The following CAST variants were observed in gnomAD, a reference collection of about 807,000 sequenced individuals.
The protein encoded by CAST is MIR583 host.
A neutral mutation model predicts 119.6 loss-of-function variants in CAST; 76 were observed. The ratio of observed to expected loss-of-function variants is 0.64; its 90% CI spans 0.53 to 0.77. The LOEUF (loss-of-function observed/expected upper bound fraction) is 0.77. Among genes scored for constraint, CAST ranks in the 30% least tolerant of loss-of-function variants. The pLI is 0.00. For missense variants in CAST, 953 were observed against 946.5 expected (o/e 1.01, Z -0.09); for synonymous variants, 319 against 331.6 (o/e 0.96, Z 0.41).
At chr5:96,413,309 G>A in the CAST span, among the ~76,000 whole-genome samples, 97 of 152,302 alleles carry the variant, frequency 6.4e-4, no homozygotes, top group African/African-American at 2.2e-3. Context: ...TCAGACTTAT[G>A]AATTCAAGAG....
the CAST span, among the ~76,000 whole-genome samples, chr5:96,168,770 T>C: frequency 6.6e-6 from 1 of 152,044 alleles, no homozygotes; most frequent in Non-Finnish European, 1.5e-5. Context: ...GAGGCTCGAT[T>C]AAAGTCCGGG....
the CAST span, among the ~76,000 whole-genome samples, chr5:96,383,993 A>G: frequency 2.6e-5 from 4 of 152,012 alleles, no homozygotes; most frequent in African/African-American, 9.7e-5. Flanking sequence ...CCTGAGTTTT[A>G]TGGGGTCTGA....
the CAST span, chr5:96,432,790 C>G: frequency 1.1e-5 from 14 of 1,318,882 alleles, no homozygotes; most frequent in East Asian, 2.6e-4. Flanking sequence ...GGGGCTCCCA[C>G]TTGGAAGACC....
chr5:96,547,435 C>T (rs1167484842), intron 1 of CAST, among the ~76,000 whole-genome samples: 3 of 152,142 alleles, frequency 2.0e-5, no homozygotes, highest in Admixed American at 2.0e-4. Flanking sequence ...AGACAGATGT[C>T]CCAGCTCAAG....
rs182585419 is a variant in CAST, at chr5:96,730,140, G to A, written c.549+415G>A. Among the ~76,000 whole-genome samples, 191 of 152,350 alleles carry A rather than the reference G, an allele frequency of 1.3e-3. 1 individual carries two copies. The highest frequency in any genetic ancestry group is 4.5e-3 in the African/African-American group (187 of 41,578). On this transcript the variant is annotated intron_variant, in intron 8 of 31. Coordinates refer to ENST00000675179, the MANE Select transcript of CAST (RefSeq NM_001750.7). ...AATCCTAAAGCATTTTTAGGGTCGT[G>A]TTGTAGAAGAGCTGAACTTACAGAG... is the stretch of plus-strand genomic sequence containing the variant.
At chr5:96,182,784 A>AT in the CAST span, among the ~76,000 whole-genome samples, 47 of 152,146 alleles carry the variant, frequency 3.1e-4, 1 homozygote, top group East Asian at 8.9e-3. Context: ...TAATTTTTTT[A>AT]TTTTTTACTT....
chr5:96,590,541 A>ATGTGTG (rs1746944856), intron 1 of CAST, among the ~76,000 whole-genome samples: 1 of 152,218 alleles, frequency 6.6e-6, no homozygotes, highest in African/African-American at 2.4e-5. Flanking sequence ...CCATACAGAC[A>ATGTGTG]CCATGTCCTA....
chr5:96,635,783 T>C (rs1225858492), intron 1 of CAST, among the ~76,000 whole-genome samples: 1 of 152,244 alleles, frequency 6.6e-6, no homozygotes, highest in Non-Finnish European at 1.5e-5. Context: ...CTCTCATCTG[T>C]GCTTAGTTAG....
chr5:96,265,519 A>C, the CAST span, among the ~76,000 whole-genome samples: 1 of 152,114 alleles, frequency 6.6e-6, no homozygotes, highest in African/African-American at 2.4e-5. Flanking sequence ...AGGAGATGAC[A>C]GACATCCCAA....
chr5:96,078,374 A>C, the CAST span, among the ~76,000 whole-genome samples: 2 of 151,666 alleles, frequency 1.3e-5, no homozygotes, highest in Non-Finnish European at 2.9e-5. Context: ...GACAGGGGTA[A>C]ATTTTCATGA....
chr5:96,344,317 G>A, the CAST span, among the ~76,000 whole-genome samples: 1 of 152,166 alleles, frequency 6.6e-6, no homozygotes, highest in Non-Finnish European at 1.5e-5. Context: ...TGTGTGGAAT[G>A]AATGGATGAG....
In CAST at chr5:96,631,464, C is replaced by A. The variant is rs758298062; in HGVS notation, c.61-44075C>A. Among the ~76,000 whole-genome samples the A allele has an allele frequency of 8.5e-5, 12 of 140,796 alleles. 2 individuals are homozygous for A. The highest frequency in any genetic ancestry group is 1.4e-4 in the Non-Finnish European group (9 of 62,624). The allele number at this position is 140,796 out of a possible 152,430, so 92.4% of individuals were successfully genotyped here. A position where few individuals can be genotyped will look rare whatever the true frequency, so the allele number is the denominator to read the frequency against. On this transcript the variant is annotated intron_variant, in intron 1 of 11. Coordinates refer to the CAST transcript ENST00000505143. ...ACTCCTTTTTATGATTAAATAACAT[C>A]CCATTGTATGGATTTCATTTTATTT...
At chr5:96,047,233 C>T in the CAST span, among the ~76,000 whole-genome samples, 9 of 152,282 alleles carry the variant, frequency 5.9e-5, no homozygotes, top group African/African-American at 2.2e-4. Flanking sequence ...ATTTCTTATT[C>T]ATATTTAAAA....
the CAST span, among the ~76,000 whole-genome samples, chr5:96,266,128 A>G: frequency 6.6e-6 from 1 of 152,232 alleles, no homozygotes; most frequent in African/African-American, 2.4e-5. Context: ...GCAATATCCC[A>G]GAACTAAAAT....
chr5:96,023,008 A>G, the CAST span, among the ~76,000 whole-genome samples: 1 of 152,198 alleles, frequency 6.6e-6, no homozygotes, highest in Non-Finnish European at 1.5e-5. Context: ...AACCGGGATT[A>G]ACTAACAATC....
chr5:96,569,909 A>C (rs1474316531), intron 1 of CAST, among the ~76,000 whole-genome samples: 1 of 152,198 alleles, frequency 6.6e-6, no homozygotes, highest in Admixed American at 6.5e-5. Flanking sequence ...GGGGTTTAAC[A>C]TTGTGCTTCA....
At chr5:96,290,553 C>T in the CAST span, among the ~76,000 whole-genome samples, 3 of 152,132 alleles carry the variant, frequency 2.0e-5, no homozygotes, top group Non-Finnish European at 2.9e-5. Flanking sequence ...TAAGCAGTGA[C>T]GATGAAGCTT....
intron 8 of CAST, 139 bp from the exon 9 acceptor site, chr5:96,730,641 A>G (rs1041397317): frequency 1.5e-6 from 1 of 675,064 alleles, no homozygotes; most frequent in African/African-American, 1.8e-5. Context: ...CACCATGTAC[A>G]ATAGAAGTGA....
At chr5:96,648,721 T>TGTGC (rs772129217) in intron 1 of CAST, among the ~76,000 whole-genome samples, 1 of 131,936 alleles carries the variant, frequency 7.6e-6, no homozygotes, top group Non-Finnish European at 1.8e-5. Flanking sequence ...TATATGCGTG[T>TGTGC]GTGTGTGTGT....
Sources: gnomAD v4.1 joint callset for allele counts (sites outside exome capture counted in the v4.1 genomes callset) on GRCh38, gnomAD v4.1.1 for gene constraint, MANE v1.5 for transcripts, NCBI Gene and HGNC (gene_info 2026-07-23, HGNC 2026-07-21) for gene names.